The following GRIN2A variants were observed in gnomAD, a reference collection of about 807,000 sequenced individuals.
The protein encoded by GRIN2A is glutamate receptor ionotropic, NMDA 2A.
A neutral mutation model predicts 113.4 loss-of-function variants in GRIN2A; 22 were observed. The observed-to-expected ratio is 0.19, with a 90% CI of 0.14 to 0.28. The LOEUF (loss-of-function observed/expected upper bound fraction) is 0.28, where lower values mean the gene tolerates loss of function less well. Among genes scored for constraint, GRIN2A ranks in the 10% least tolerant of loss-of-function variants. The pLI is 1.00. For synonymous variants in GRIN2A, 827 were observed against 738.4 expected (o/e 1.12, Z -1.94); for missense variants, 1,502 against 1,887.0 (o/e 0.80, Z 3.78).
chr16:10,163,375 C>A (rs922722237), intron 2 of GRIN2A, among the ~76,000 whole-genome samples: 3 of 152,114 alleles, frequency 2.0e-5, no homozygotes, highest in Non-Finnish European at 4.4e-5. Flanking sequence ...CTCAGCCCTA[C>A]CTCCCTTTTT....
chr16:9,813,695 C>T (rs941360659), intron 10 of GRIN2A, among the ~76,000 whole-genome samples: 2 of 149,424 alleles, frequency 1.3e-5, no homozygotes, highest in Admixed American at 1.3e-4. Flanking sequence ...ACCCCACCCC[C>T]CCGCAAAAAA....
intron 11 of GRIN2A, among the ~76,000 whole-genome samples, chr16:9,792,209 G>A (rs1209349215): frequency 6.6e-6 from 1 of 151,974 alleles, no homozygotes; most frequent in Admixed American, 6.6e-5. Flanking sequence ...CATTGGTTGA[G>A]TTGGTCACTC....
At chr16:10,069,194 G>A (rs1023521452) in intron 2 of GRIN2A, among the ~76,000 whole-genome samples, 1 of 152,184 alleles carries the variant, frequency 6.6e-6, no homozygotes, top group Non-Finnish European at 1.5e-5. Flanking sequence ...ACCAGTGGAG[G>A]CTGCTTCATC....
chr16:9,943,073 C>T (rs932393225), intron 2 of GRIN2A: 2 of 152,228 alleles, frequency 1.3e-5, no homozygotes, highest in African/African-American at 4.8e-5. Context: ...GCCCAAAGCC[C>T]CTGAACATCC....
At chr16:10,062,390 T>G (rs1415072801) in intron 2 of GRIN2A, among the ~76,000 whole-genome samples, 1 of 152,218 alleles carries the variant, frequency 6.6e-6, no homozygotes, top group Non-Finnish European at 1.5e-5. Flanking sequence ...CCCTGACCTA[T>G]GTCACTGGGT....
At chr16:9,852,808 T>C (rs772997386) in intron 4 of GRIN2A, among the ~76,000 whole-genome samples, 10 of 152,230 alleles carry the variant, frequency 6.6e-5, no homozygotes, top group Non-Finnish European at 1.3e-4. Context: ...CAAGGGACTA[T>C]AACTGAGGCC....
At chr16:9,814,190 A>C (rs2042143412) in intron 10 of GRIN2A, among the ~76,000 whole-genome samples, 1 of 152,186 alleles carries the variant, frequency 6.6e-6, no homozygotes, top group African/African-American at 2.4e-5. Context: ...GCACATATGT[A>C]ATATCTAACT....
intron 5 of GRIN2A, among the ~76,000 whole-genome samples, chr16:9,843,641 T>C (rs985636047): frequency 1.3e-5 from 2 of 152,228 alleles, no homozygotes; most frequent in African/African-American, 2.4e-5. Context: ...CAGTGACTTG[T>C]ACTCAACCAC....
rs1900480611 is a variant in GRIN2A, at chr16:9,759,266, A to C, written c.*3883T>G. Reference sequence around the variant, plus strand: ...GCACTTTTTAGATTTAAAGGAGATAAATTTTTAATCACCATTTAATTAACA... The same window carrying C: ...GCACTTTTTAGATTTAAAGGAGATACATTTTTAATCACCATTTAATTAACA... On this transcript the variant is annotated 3_prime_UTR_variant, in exon 13 of 13. Transcript: ENST00000330684. 4.5e-6 allele frequency: 1 copy of C among 220,846 alleles called. No homozygotes were observed. Among genetic ancestry groups the C allele is most frequent in the Non-Finnish European group, 9.1e-6 (1 of 110,350 alleles). 13.7% of individuals were successfully genotyped at this position (220,846 alleles called of 1,614,324 possible).
intron 2 of GRIN2A, among the ~76,000 whole-genome samples, chr16:10,173,679 C>T (rs182108006): frequency 1.3e-5 from 2 of 152,216 alleles, no homozygotes; most frequent in Admixed American, 1.3e-4. Context: ...AAGGATGCCC[C>T]TATGGAGCAC....
intron 10 of GRIN2A, among the ~76,000 whole-genome samples, chr16:9,811,989 T>TAAAG (rs1407776603): frequency 6.6e-6 from 1 of 152,166 alleles, no homozygotes; most frequent in South Asian, 2.1e-4. Context: ...GAAACAGTAG[T>TAAAG]AAAGATTTTA....
intron 2 of GRIN2A, among the ~76,000 whole-genome samples, chr16:9,969,742 G>A (rs192019361): frequency 3.0e-4 from 46 of 152,264 alleles, no homozygotes; most frequent in Admixed American, 2.0e-3. Context: ...TAGGAGGCAG[G>A]GTATGACTGG....
intron 3 of GRIN2A, among the ~76,000 whole-genome samples, chr16:9,905,854 C>G (rs1209169911): frequency 3.3e-5 from 5 of 152,184 alleles, no homozygotes; most frequent in African/African-American, 7.2e-5. Flanking sequence ...ATTGTTGGCT[C>G]TAAACCAATG....
chr16:9,883,164 A>G (rs1310462523), intron 4 of GRIN2A, among the ~76,000 whole-genome samples: 1 of 152,218 alleles, frequency 6.6e-6, no homozygotes, highest in East Asian at 1.9e-4. Context: ...GTGCTATTAA[A>G]CAAATACCTA....
chr16:9,798,475 A>G lies in GRIN2A; in HGVS notation c.2169-11T>C. On this transcript the variant is annotated splice_polypyrimidine_tract_variant and intron_variant, in intron 10 of 12. Transcript: ENST00000330684. ...AAAGCGTCCAGCTTCCTGAAATGAC[A>G]AGAAACCAGGGGGTCATAGGGGTGG... 1 of 1,613,472 alleles carries G rather than the reference A, an allele frequency of 6.2e-7. No individual in the cohort carries two copies. The highest frequency in any genetic ancestry group is 8.5e-7 in the Non-Finnish European group (1 of 1,179,476).
At chr16:10,020,337 C>G (rs1038770082) in intron 2 of GRIN2A, among the ~76,000 whole-genome samples, 2 of 152,164 alleles carry the variant, frequency 1.3e-5, no homozygotes, top group African/African-American at 4.8e-5. Context: ...TCTTTGGGCT[C>G]AGTTTCTTCA....
At chr16:9,950,721 T>C (rs2045159562) in intron 2 of GRIN2A, among the ~76,000 whole-genome samples, 1 of 152,212 alleles carries the variant, frequency 6.6e-6, no homozygotes, top group African/African-American at 2.4e-5. Context: ...AAGACACATC[T>C]AGGTCCAAAC....
chr16:9,790,026 T>G (rs1902509405), intron 11 of GRIN2A, among the ~76,000 whole-genome samples: 1 of 152,228 alleles, frequency 6.6e-6, no homozygotes, highest in Non-Finnish European at 1.5e-5. Flanking sequence ...CAGTCTTGCC[T>G]GAAATAAACA....
At chr16:10,062,900 G>C (rs749343840) in intron 2 of GRIN2A, among the ~76,000 whole-genome samples, 1 of 151,840 alleles carries the variant, frequency 6.6e-6, no homozygotes, top group Non-Finnish European at 1.5e-5. Context: ...AAAAACATTG[G>C]GTTAGCAAAA....
Sources: allele counts gnomAD v4.1 joint callset (sites outside exome capture counted in the v4.1 genomes callset), GRCh38; gene constraint gnomAD v4.1.1; transcripts MANE v1.5; gene names NCBI Gene and HGNC (gene_info 2026-07-23, HGNC 2026-07-21).